HIPK1: variants seen among roughly 807,000 people sequenced by gnomAD.
HIPK1 encodes homeodomain interacting protein kinase 1.
In HIPK1, 28 loss-of-function variants were observed where a neutral mutation model predicts 117.1. The observed-to-expected ratio is 0.24, with a 90% confidence interval of 0.18 to 0.33. HIPK1 has a LOEUF of 0.33. HIPK1 is among the 10% of genes least tolerant of loss of function. The pLI, the probability that HIPK1 is intolerant of heterozygous loss-of-function variation, is 1.00. For synonymous variants in HIPK1, 605 were observed against 562.5 expected (o/e 1.08, Z -1.07); for missense variants, 1,122 against 1,475.1 (o/e 0.76, Z 3.92).
intron 2 of HIPK1, among the ~76,000 whole-genome samples, chr1:113,942,738 T>A (rs1370721523): frequency 6.6e-6 from 1 of 152,182 alleles, no homozygotes; most frequent in East Asian, 1.9e-4. Context: ...ATATATACAA[T>A]TTTGTCTGTA....
chr1:113,934,051 A>G (rs1466950320), intron 1 of HIPK1, among the ~76,000 whole-genome samples: 1 of 152,186 alleles, frequency 6.6e-6, no homozygotes. Context: ...CATCTGTAAA[A>G]AATATGTATC....
At position 113,975,209 on chromosome 1, in the gene HIPK1, C is replaced by T. The variant is rs567403945; in HGVS notation, c.*1697C>T. 3.9e-5 allele frequency: 6 copies of T among 152,870 alleles called. No homozygotes were observed. The highest frequency in any genetic ancestry group is 2.6e-4 in the Admixed American group (4 of 15,300). 9.5% of individuals were successfully genotyped at this position (152,870 alleles called of 1,614,324 possible). A position where few individuals can be genotyped will look rare whatever the true frequency, so the allele number is the denominator to read the frequency against. On this transcript the variant is annotated 3_prime_UTR_variant, in exon 16 of 16. Transcript: ENST00000426820. The stretch of plus-strand genomic sequence containing the variant: ...GCCTTAGGATGGACCAGCAAGCCCC[C>T]GTGGACCCTAAGTTGTTCACCGGGA...
At chr1:113,937,705 T>G (rs1339556259) in intron 1 of HIPK1, among the ~76,000 whole-genome samples, 1 of 152,086 alleles carries the variant, frequency 6.6e-6, no homozygotes, top group African/African-American at 2.4e-5. Flanking sequence ...ATAAATACTT[T>G]CAAGTTAACA....
At chr1:113,970,660 A>T (rs1258029562) in intron 14 of HIPK1, among the ~76,000 whole-genome samples, 1 of 152,226 alleles carries the variant, frequency 6.6e-6, no homozygotes, top group Non-Finnish European at 1.5e-5. Context: ...TTTATTACCA[A>T]CCCAATTACT....
intron 1 of HIPK1, among the ~76,000 whole-genome samples, chr1:113,937,062 T>C (rs1670298187): frequency 1.3e-5 from 2 of 152,218 alleles, no homozygotes; most frequent in Admixed American, 6.5e-5. Flanking sequence ...TCTTTTATTA[T>C]ATTTGGTATT....
intron 8 of HIPK1, among the ~76,000 whole-genome samples, chr1:113,959,641 C>T (rs1230291709): frequency 6.6e-6 from 1 of 152,076 alleles, no homozygotes; most frequent in Non-Finnish European, 1.5e-5. Flanking sequence ...TTTAACAAAA[C>T]AAAATGTAAA....
rs920491643 is a variant in HIPK1, at chr1:113,973,570, A to G, written c.*58A>G. 9 of 1,524,634 alleles carry G rather than the reference A, an allele frequency of 5.9e-6. No individual in the cohort carries two copies. The highest frequency in any genetic ancestry group is 7.9e-6 in the Non-Finnish European group (9 of 1,133,596). The allele number at this position is 1,524,634 out of a possible 1,614,324, so 94.4% of individuals were successfully genotyped here. A position where few individuals can be genotyped will look rare whatever the true frequency, so the allele number is the denominator to read the frequency against. On this transcript the variant is annotated 3_prime_UTR_variant, in exon 16 of 16. Coordinates refer to ENST00000426820, the MANE Select transcript of HIPK1 (RefSeq NM_198268.3). ...ACCTTCTCCTGGCCCTGCGTTCTTA[A>G]TATTGGGCTATGGAGAGATCCTCCT...
chr1:113,956,930 C>T (rs1671766905), intron 6 of HIPK1, 119 bp downstream of exon 6: 1 of 1,006,696 alleles, frequency 9.9e-7, no homozygotes, highest in Admixed American at 2.4e-5. Context: ...CTCAGCAGTG[C>T]TTTTCTTTCT....
chr1:113,971,024 G>T (rs1214318200), intron 14 of HIPK1, among the ~76,000 whole-genome samples: 2 of 152,184 alleles, frequency 1.3e-5, no homozygotes, highest in African/African-American at 2.4e-5. Flanking sequence ...CAAGGAAGGG[G>T]TTGGTGAAGT....
intron 5 of HIPK1, among the ~76,000 whole-genome samples, chr1:113,956,109 C>G (rs1043512765): frequency 2.3e-4 from 29 of 123,736 alleles, no homozygotes; most frequent in Non-Finnish European, 1.6e-5. Context: ...GAGTCTCACT[C>G]TATTGCCCAG....
In HIPK1 at chr1:113,958,305, C is replaced by CTCCTGTATCATATGGTAT; in HGVS notation, c.1981+16_1981+33dup. 1 of 1,570,354 alleles carries CTCCTGTATCATATGGTAT rather than the reference C, an allele frequency of 6.4e-7. No homozygotes were observed. The highest frequency in any genetic ancestry group is 8.8e-7 in the Non-Finnish European group (1 of 1,142,794). ...CTGCGTTTCAAAGTAAGTGGGGAAA[C>CTCCTGTATCATATGGTAT]TCCTGTATCATATGGTATTGTATCA... is the stretch of plus-strand genomic sequence containing the variant. On this transcript the variant is annotated intron_variant, in intron 8 of 15. Coordinates refer to ENST00000426820, the MANE Select transcript of HIPK1 (RefSeq NM_198268.3).
intron 2 of HIPK1, among the ~76,000 whole-genome samples, chr1:113,951,549 C>T (rs145614686): frequency 2.0e-5 from 3 of 152,308 alleles, no homozygotes; most frequent in South Asian, 2.1e-4. Flanking sequence ...TTTTATTTCT[C>T]ACTTGGACTG....
At chr1:113,955,246 T>G (rs1210373540) in intron 4 of HIPK1, among the ~76,000 whole-genome samples, 1 of 152,272 alleles carries the variant, frequency 6.6e-6, no homozygotes, top group African/African-American at 2.4e-5. Context: ...CTGAGTCTGT[T>G]GAACAGTTAG....
At chr1:113,946,816 A>G (rs1671019136) in intron 2 of HIPK1, among the ~76,000 whole-genome samples, 1 of 152,212 alleles carries the variant, frequency 6.6e-6, no homozygotes, top group Non-Finnish European at 1.5e-5. Flanking sequence ...AGGGCTTGAC[A>G]GTGTTTAGGA....
chr1:113,962,281 T>C, intron 8 of HIPK1, 36 bp from the exon 9 acceptor site: 1 of 1,607,130 alleles, frequency 6.2e-7, no homozygotes, highest in Non-Finnish European at 8.5e-7. Context: ...TCCCAGACCT[T>C]GCAAAACTAT....
chr1:113,941,242 C>T lies in HIPK1; in HGVS notation c.859C>T (p.Leu287=), dbSNP rs150095327. The T allele has an allele frequency of 6.8e-6, 11 of 1,614,136 alleles. No homozygotes were observed. In the African/African-American group the frequency reaches 1.3e-4, roughly 20 times the overall value. ...DFLKQNKFSP[L]PLKYIRPILQ... is the part of the protein sequence containing the mutation. ...TCTAAAGCAAAACAAATTTAGCCCA[C>T]TGCCACTCAAGTACATCAGACCAAT... The change falls in exon 2 of 16, where the codon CTG becomes TTG. Residue 287 remains leucine, a synonymous_variant. Coordinates refer to ENST00000426820, the MANE Select transcript of HIPK1 (RefSeq NM_198268.3). The surrounding 1 kb of genome is among the most constrained non-coding windows in gnomAD (Gnocchi z 4.9).
Position 113,962,398 on chromosome 1 carries a change from C to T in HIPK1, c.2063C>T (p.Ala688Val), listed in dbSNP as rs774908202. 6.2e-7 allele frequency: 1 copy of T among 1,613,978 alleles called. No homozygotes were observed. Among genetic ancestry groups the T allele is most frequent in the African/African-American group, 1.3e-5 (1 of 75,050 alleles). ...GTACCGATTGTACCCCAGGCACCAG[C>T]TGCTCAGCCACTACAGATTCAGTCA... ...NAVPIVPQAP[A>V]AQPLQIQSGV... is the part of the protein sequence containing the mutation. Residue 688 changes from alanine (A) to valine (V), a missense_variant, in exon 9 of 16, where the codon GCT becomes GTT. Ala to Val is a moderately conservative substitution (Grantham distance 64). Transcript: ENST00000426820.
intron 1 of HIPK1, among the ~76,000 whole-genome samples, chr1:113,931,296 C>T (rs1669882146): frequency 6.6e-6 from 1 of 150,870 alleles, no homozygotes; most frequent in Non-Finnish European, 1.5e-5. Flanking sequence ...TTTCATTATT[C>T]AGCTGGTGAT....
intron 14 of HIPK1, among the ~76,000 whole-genome samples, chr1:113,971,365 A>G (rs1364439548): frequency 3.3e-5 from 5 of 152,240 alleles, no homozygotes; most frequent in Non-Finnish European, 7.3e-5. Context: ...TGTAATTTCT[A>G]AGAATTTGAA....
Sources: allele counts gnomAD v4.1 joint callset (sites outside exome capture counted in the v4.1 genomes callset), GRCh38; gene constraint gnomAD v4.1.1; non-coding constraint Gnocchi (gnomAD v3.1); transcripts MANE v1.5; gene names NCBI Gene and HGNC (gene_info 2026-07-23, HGNC 2026-07-21).